LRP4: variants seen among roughly 807,000 people sequenced by gnomAD.
LRP4 encodes low-density lipoprotein receptor-related protein 4.
Under a neutral mutation model 220.3 loss-of-function variants are expected in LRP4, and 95 were observed. The observed-to-expected ratio is 0.43, with a 90% CI of 0.37 to 0.51. LRP4 has a LOEUF of 0.51. Among genes scored for constraint, LRP4 ranks in the 20% least tolerant of loss-of-function variants. LRP4 has a pLI of 0.00. For synonymous variants in LRP4, 903 were observed against 954.6 expected (o/e 0.95, Z 1.00); for missense variants, 1,925 against 2,567.0 (o/e 0.75, Z 5.40).
Position 46,875,887 on chromosome 11 carries a change from T to C in LRP4, c.3616A>G (p.Ile1206Val), listed in dbSNP as rs1243100512. Reference sequence around the variant, plus strand: ...TTGGGCCATCCTAGGTTGTTGTTGATGAGCACCGCGCGGTCTGAGCCATCC... The same window carrying C: ...TTGGGCCATCCTAGGTTGTTGTTGACGAGCACCGCGCGGTCTGAGCCATCC... Reference protein sequence around the residue: ...GMDGSDRAVLINNNLGWPNGL... With the variant: ...GMDGSDRAVLVNNNLGWPNGL... The change falls in exon 26 of 38, where the codon ATC (isoleucine) becomes GTC (valine). Residue 1206 changes from isoleucine (I) to valine (V), a missense_variant. Ile to Val is a conservative substitution (Grantham distance 29). Coordinates refer to ENST00000378623, the MANE Select transcript of LRP4 (RefSeq NM_002334.4). This position sits in a 1 kb window ranked among gnomAD's most constrained non-coding sequence, Gnocchi z 4.5. The C allele has an allele frequency of 1.9e-6, 3 of 1,614,114 alleles. No homozygotes were observed. The highest frequency in any genetic ancestry group is 2.2e-5 in the South Asian group (2 of 91,066).
intron 1 of LRP4, among the ~76,000 whole-genome samples, chr11:46,904,510 C>CAGACGGAT (rs1941726820): frequency 8.6e-6 from 1 of 116,006 alleles, no homozygotes; most frequent in Non-Finnish European, 1.9e-5. Flanking sequence ...GACGGACAGA[C>CAGACGGAT]GGATGGATGG....
intron 1 of LRP4, among the ~76,000 whole-genome samples, chr11:46,914,020 T>C (rs1403674691): frequency 6.6e-6 from 1 of 152,174 alleles, no homozygotes; most frequent in East Asian, 1.9e-4. Flanking sequence ...CTGGCTCCCA[T>C]GTTCTAAAGC....
In LRP4 at chr11:46,917,276, G is replaced by A. The variant is rs145213032; in HGVS notation, c.52+1052C>T. Among the ~76,000 whole-genome samples the A allele has an allele frequency of 2.1e-3, 325 of 152,318 alleles. 1 individual carries two copies. Among genetic ancestry groups the A allele is most frequent in the African/African-American group, 7.1e-3 (295 of 41,576 alleles). Reference sequence around the variant, plus strand: ...ATTCTGAGCCCCAGCTCCCTTCATCGGGGCTGCGAGGCAAATGGGGAGACT... The same window carrying A: ...ATTCTGAGCCCCAGCTCCCTTCATCAGGGCTGCGAGGCAAATGGGGAGACT... On this transcript the variant is annotated intron_variant, in intron 1 of 37. Transcript: ENST00000378623.
rs756670241 is a variant in LRP4 at position 46,859,311 on chromosome 11, C to T, written c.5390G>A (p.Gly1797Glu). The change falls in exon 38 of 38, where the codon GGG becomes GAG. Residue 1797 changes from glycine to glutamate, a missense_variant. Transcript: ENST00000378623. ...YNQLCYKKEGGPDHNYTKEKI... is the reference protein window; with the variant it reads ...YNQLCYKKEGEPDHNYTKEKI... ...CTCCTTGGTGTAGTTATGGTCAGGCCCTCCCTAGGGTGGAGAGTGGGCAGA... is the reference window on the plus strand; with the variant it reads ...CTCCTTGGTGTAGTTATGGTCAGGCTCTCCCTAGGGTGGAGAGTGGGCAGA... The T allele has an allele frequency of 6.2e-7, 1 of 1,613,260 alleles. No homozygotes were observed. Among genetic ancestry groups the T allele is most frequent in the Admixed American group, 1.7e-5 (1 of 59,986 alleles).
chr11:46,874,747 T>A, intron 28 of LRP4, 53 bp downstream of exon 28: 2 of 1,558,344 alleles, frequency 1.3e-6, no homozygotes, highest in Non-Finnish European at 1.8e-6. Flanking sequence ...ACCTCACCCA[T>A]GGGCGACCAG....
At chr11:46,869,256 C>T in intron 31 of LRP4, 124 bp from the exon 32 acceptor site, 1 of 868,530 alleles carries the variant, frequency 1.2e-6, no homozygotes, top group Non-Finnish European at 1.9e-6. Flanking sequence ...ATCTCTTCCT[C>T]ATTTCTGTGC....
At chr11:46,881,927 G>A in intron 19 of LRP4, 24 bp from the exon 20 acceptor site, 1 of 1,612,950 alleles carries the variant, frequency 6.2e-7, no homozygotes, top group Non-Finnish European at 8.5e-7. Context: ...AGGCAAGGCA[G>A]GTCTTACAAG....
In LRP4 at chr11:46,875,735, ATGG is replaced by A; in HGVS notation, c.3700-57_3700-55del. 6.2e-7 allele frequency: 1 copy of A among 1,612,722 alleles called. No homozygotes were observed. Among genetic ancestry groups the A allele is most frequent in the Non-Finnish European group, 8.5e-7 (1 of 1,178,880 alleles). ...GTGATCAGCAGATTGGGAACTCTCC[ATGG>A]AGATCCTAGGCAGGCCTTTCCCATC... On this transcript the variant is annotated intron_variant, in intron 26 of 37. Transcript: ENST00000378623. The surrounding 1 kb of genome is among the most constrained non-coding windows in gnomAD (Gnocchi z 4.5).
At chr11:46,891,428 T>TAC (rs57116396) in intron 13 of LRP4, among the ~76,000 whole-genome samples, 1,828 of 147,170 alleles carry the variant, frequency 0.012, 37 homozygotes, top group African/African-American at 0.042. Context: ...TTGTATTTTA[T>TAC]ACACACACAC....
intron 31 of LRP4, among the ~76,000 whole-genome samples, chr11:46,870,125 C>A (rs945070888): frequency 1.3e-5 from 2 of 150,012 alleles, no homozygotes; most frequent in African/African-American, 4.9e-5. Context: ...AAAAATTCAC[C>A]AGGTGTGGTG....
In LRP4 at chr11:46,894,731, G is replaced by A. The variant is rs1473827509; in HGVS notation, c.1398C>T (p.Asn466=). Residue 466 remains asparagine (N), a synonymous_variant, in exon 12 of 38, where the codon AAC becomes AAT. Transcript: ENST00000378623. Reference sequence around the variant, plus strand: ...AATCAAGGGCAATGGCATTCTCCAGGTTGTTAAGCAGCAGTGTGTACTCAG... The same window carrying A: ...AATCAAGGGCAATGGCATTCTCCAGATTGTTAAGCAGCAGTGTGTACTCAG... ...HRSEYTLLLN[N]LENAIALDFH... 30 of 1,614,100 alleles carry A rather than the reference G, an allele frequency of 1.9e-5. No individual in the cohort carries two copies. Among genetic ancestry groups the A allele is most frequent in the Non-Finnish European group, 2.5e-5 (30 of 1,180,038 alleles).
chr11:46,899,333 G>A lies in LRP4; in HGVS notation c.547+54C>T. On this transcript the variant is annotated intron_variant, in intron 5 of 37. Coordinates refer to ENST00000378623, the MANE Select transcript of LRP4 (RefSeq NM_002334.4). The surrounding 1 kb of genome is among the most constrained non-coding windows in gnomAD (Gnocchi z 5.9). ...CCTCAGCCTCGCCCTTAGCCAATGG[G>A]CAGAACTGTCTGCCCTCATCCAACC... The A allele has an allele frequency of 7.1e-7, 1 of 1,404,160 alleles. No individual in the cohort carries two copies. The highest frequency in any genetic ancestry group is 1.0e-6 in the Non-Finnish European group (1 of 989,288). 87.0% of individuals were successfully genotyped at this position (1,404,160 alleles called of 1,614,324 possible). A position where few individuals can be genotyped will look rare whatever the true frequency, so the allele number is the denominator to read the frequency against.
chr11:46,862,762 G>C lies in LRP4; in HGVS notation c.5244-15C>G, dbSNP rs760642731. 6.2e-7 allele frequency: 1 copy of C among 1,613,400 alleles called. No individual in the cohort carries two copies. The highest frequency in any genetic ancestry group is 1.1e-5 in the South Asian group (1 of 91,046). On this transcript the variant is annotated splice_polypyrimidine_tract_variant and intron_variant, in intron 36 of 37. Transcript: ENST00000378623. ...ATTTTTTGTGTCTTTAGGAGGGAAG[G>C]TGATGAGAAATTAGTCGAGATCTTT...
intron 1 of LRP4, 135 bp from the exon 2 acceptor site, chr11:46,903,064 A>T: frequency 9.4e-7 from 1 of 1,059,594 alleles, no homozygotes; most frequent in Non-Finnish European, 1.4e-6. Flanking sequence ...AGGGAGATGC[A>T]GGCAGTAAAA....
At chr11:46,891,541 A>G (rs1421764596) in intron 13 of LRP4, among the ~76,000 whole-genome samples, 1 of 152,092 alleles carries the variant, frequency 6.6e-6, no homozygotes, top group Non-Finnish European at 1.5e-5. Context: ...TACTCCCTCC[A>G]TTGATTGCAT....
At chr11:46,897,020 A>G (rs1457979346) in intron 7 of LRP4, 26 bp from the exon 8 acceptor site, 2 of 1,613,960 alleles carry the variant, frequency 1.2e-6, no homozygotes, top group Non-Finnish European at 1.7e-6. Flanking sequence ...GCTTAATGAA[A>G]GGTGGGCCCC....
chr11:46,873,641 A>G lies in LRP4; in HGVS notation c.4230-48T>C, dbSNP rs759039400. The G allele has an allele frequency of 2.0e-6, 3 of 1,497,656 alleles. No homozygotes were observed. Among genetic ancestry groups the G allele is most frequent in the Non-Finnish European group, 2.8e-6 (3 of 1,084,964 alleles). The allele number at this position is 1,497,656 out of a possible 1,614,324, so 92.8% of individuals were successfully genotyped here. A position where few individuals can be genotyped will look rare whatever the true frequency, so the allele number is the denominator to read the frequency against. ...ATGAGCAACCAGACTGACCCAGAATAGAGTAGAACTTTAACCCATGTTCCC... is the reference window on the plus strand; with the variant it reads ...ATGAGCAACCAGACTGACCCAGAATGGAGTAGAACTTTAACCCATGTTCCC... On this transcript the variant is annotated intron_variant, in intron 28 of 37. Transcript: ENST00000378623. The surrounding 1 kb of genome is among the most constrained non-coding windows in gnomAD (Gnocchi z 4.2).
chr11:46,910,234 A>G (rs1168814953), intron 1 of LRP4, among the ~76,000 whole-genome samples: 2 of 152,220 alleles, frequency 1.3e-5, no homozygotes, highest in East Asian at 3.8e-4. Context: ...ACGGAGGAAC[A>G]AAACTCCCCA....
In LRP4 at chr11:46,899,856, C is replaced by T. The variant is rs1261702662; in HGVS notation, c.430+7G>A. 5 of 1,612,910 alleles carry T rather than the reference C, an allele frequency of 3.1e-6. No individual in the cohort carries two copies. The highest frequency in any genetic ancestry group is 1.3e-5 in the African/African-American group (1 of 74,940). ...CTTGCCTGCCTTCCCCCGTTGGGGT[C>T]ACCCACCACACTGCTCATCGCTGTT... is the stretch of plus-strand genomic sequence containing the variant. On this transcript the variant is annotated splice_region_variant and intron_variant, in intron 4 of 37. Coordinates refer to ENST00000378623, the MANE Select transcript of LRP4 (RefSeq NM_002334.4). This position sits in a 1 kb window ranked among gnomAD's most constrained non-coding sequence, Gnocchi z 5.9.
Sources: gnomAD v4.1 joint callset for allele counts (sites outside exome capture counted in the v4.1 genomes callset) on GRCh38, gnomAD v4.1.1 for gene constraint, Gnocchi (gnomAD v3.1) non-coding constraint, MANE v1.5 for transcripts, NCBI Gene and HGNC (gene_info 2026-07-23, HGNC 2026-07-21) for gene names.